Variants in GPC6 observed in about 807,000 individuals in gnomAD.
The protein encoded by GPC6 is glypican 6.
In GPC6, 14 loss-of-function variants were observed where a neutral mutation model predicts 55.2. The ratio of observed to expected loss-of-function variants is 0.25; its 90% confidence interval spans 0.17 to 0.40. The LOEUF (loss-of-function observed/expected upper bound fraction) is 0.40, where lower values mean the gene tolerates loss of function less well. Ranked by LOEUF, GPC6 falls within the 10% of genes least tolerant of loss-of-function variation. The pLI, the probability that GPC6 is intolerant of heterozygous loss-of-function variation, is 1.00. For missense variants in GPC6, 641 were observed against 708.5 expected (o/e 0.90, Z 1.08); for synonymous variants, 278 against 259.6 (o/e 1.07, Z -0.68).
intron 1 of GPC6, among the ~76,000 whole-genome samples, chr13:93,401,470 A>G (rs1280574650): frequency 6.6e-6 from 1 of 151,934 alleles, no homozygotes. Context: ...TTCTTTTTCT[A>G]AAAGAGAATT....
intron 3 of GPC6, among the ~76,000 whole-genome samples, chr13:94,015,796 A>T (rs1462070951): frequency 1.3e-5 from 2 of 152,102 alleles, no homozygotes; most frequent in African/African-American, 4.8e-5. Context: ...CTTGTTGAAA[A>T]TCAATTGGCC....
intron 1 of GPC6, among the ~76,000 whole-genome samples, chr13:93,367,366 G>C (rs1324866162): frequency 6.6e-6 from 1 of 151,964 alleles, no homozygotes; most frequent in Non-Finnish European, 1.5e-5. Context: ...TTTGCTAGAG[G>C]TTTGTCTGTT....
In GPC6 at chr13:94,203,883, T is replaced by C; in HGVS notation, c.878-82466T>C. Among the ~76,000 whole-genome samples, 2 of 152,166 alleles carry C rather than the reference T, an allele frequency of 1.3e-5. 1 individual carries two copies. Among genetic ancestry groups the C allele is most frequent in the Non-Finnish European group, 2.9e-5 (2 of 67,998 alleles). Reference sequence around the variant, plus strand: ...CATATTTTCTGTTGCTTCATCTCTATGGCTTTTTATTTTTCTTGTATTATA... The same window carrying C: ...CATATTTTCTGTTGCTTCATCTCTACGGCTTTTTATTTTTCTTGTATTATA... On this transcript the variant is annotated intron_variant, in intron 4 of 8. Transcript: ENST00000377047.
intron 6 of GPC6, among the ~76,000 whole-genome samples, chr13:94,333,715 TG>T (rs1877540288): frequency 6.6e-6 from 1 of 152,210 alleles, no homozygotes; most frequent in South Asian, 2.1e-4. Context: ...TATGTTTCCC[TG>T]GGATTGCACA....
chr13:93,538,100 G>T (rs961683551), intron 1 of GPC6, among the ~76,000 whole-genome samples: 4 of 152,070 alleles, frequency 2.6e-5, no homozygotes, highest in Non-Finnish European at 5.9e-5. Context: ...AGCCCATGTG[G>T]AAACATAAGC....
At chr13:94,179,570 A>G (rs751122110) in intron 4 of GPC6, among the ~76,000 whole-genome samples, 1 of 152,164 alleles carries the variant, frequency 6.6e-6, no homozygotes, top group South Asian at 2.1e-4. Flanking sequence ...ATAGATCTCC[A>G]AAAGTTAAAA....
intron 1 of GPC6, among the ~76,000 whole-genome samples, chr13:93,449,587 G>A (rs1002906323): frequency 1.3e-5 from 2 of 152,170 alleles, no homozygotes; most frequent in Non-Finnish European, 2.9e-5. Context: ...CAACACTTTG[G>A]GAGGCCGAGG....
At chr13:94,057,642 G>A (rs1037506013) in intron 4 of GPC6, among the ~76,000 whole-genome samples, 1 of 152,164 alleles carries the variant, frequency 6.6e-6, no homozygotes, top group Non-Finnish European at 1.5e-5. Flanking sequence ...GGAAACCACC[G>A]TTGTGAAATA....
rs188271767 is a variant in GPC6, at chr13:93,958,157, T to C, written c.712-69572T>C. Among the ~76,000 whole-genome samples, 419 of 152,362 alleles carry C rather than the reference T, an allele frequency of 2.8e-3. 3 individuals are homozygous for C. The highest frequency in any genetic ancestry group is 9.8e-3 in the African/African-American group (409 of 41,596). On this transcript the variant is annotated intron_variant, in intron 3 of 8. Coordinates refer to ENST00000377047, the MANE Select transcript of GPC6 (RefSeq NM_005708.5). ...GCTTTGCAAATATTTTCTCCCATTC[T>C]GTAGGGTGTCTGTTTACTCTATTGA...
At chr13:94,069,062 G>A (rs1348625559) in intron 4 of GPC6, among the ~76,000 whole-genome samples, 3 of 152,182 alleles carry the variant, frequency 2.0e-5, no homozygotes, top group Non-Finnish European at 2.9e-5. Context: ...CCTAGCAGAG[G>A]TTCTCCATGA....
At chr13:93,808,485 A>G (rs1354797260) in intron 2 of GPC6, among the ~76,000 whole-genome samples, 1 of 152,234 alleles carries the variant, frequency 6.6e-6, no homozygotes, top group East Asian at 1.9e-4. Flanking sequence ...TTCTATCCTC[A>G]ACATTTGTCT....
intron 4 of GPC6, among the ~76,000 whole-genome samples, chr13:94,091,992 GA>G (rs1885500763): frequency 6.6e-6 from 1 of 150,628 alleles, no homozygotes; most frequent in Non-Finnish European, 1.5e-5. Context: ...AGATATAATT[GA>G]AAAAAATTAT....
intron 4 of GPC6, among the ~76,000 whole-genome samples, chr13:94,276,853 G>T (rs1892228626): frequency 6.6e-6 from 1 of 152,092 alleles, no homozygotes; most frequent in South Asian, 2.1e-4. Context: ...TGGGCATTTG[G>T]GTTGGTTCCA....
chr13:94,247,176 A>G (rs1027512909), intron 4 of GPC6, among the ~76,000 whole-genome samples: 9 of 152,244 alleles, frequency 5.9e-5, no homozygotes, highest in South Asian at 2.1e-4. Flanking sequence ...TTAAAATGTC[A>G]TAGATTTTCA....
chr13:93,773,128 G>T (rs1270160629), intron 2 of GPC6, among the ~76,000 whole-genome samples: 2 of 152,132 alleles, frequency 1.3e-5, no homozygotes, highest in Non-Finnish European at 2.9e-5. Flanking sequence ...GAGAGAATAA[G>T]AAATGGAGAT....
rs796302748 is a variant in GPC6 at position 93,692,832 on chromosome 13, A to G, written c.320-137322A>G. 3.9e-5 allele frequency among the ~76,000 whole-genome samples: 6 copies of G among 152,174 alleles called. No homozygotes were observed. In the East Asian group the frequency reaches 1.2e-3, roughly 29 times the overall value. The stretch of plus-strand genomic sequence containing the variant: ...TAACACATAAAATTTCTCTTCTTAC[A>G]TCTCTCTTAATTTTAATTCTTTCAT... On this transcript the variant is annotated intron_variant, in intron 2 of 8. Coordinates refer to ENST00000377047, the MANE Select transcript of GPC6 (RefSeq NM_005708.5).
chr13:93,682,543 C>T (rs2138767698), intron 2 of GPC6, among the ~76,000 whole-genome samples: 1 of 152,226 alleles, frequency 6.6e-6, no homozygotes, highest in South Asian at 2.1e-4. Context: ...CCACAGCATC[C>T]TCTGCACTCG....
At chr13:93,832,012 C>T (rs143413886) in intron 3 of GPC6, among the ~76,000 whole-genome samples, 1 of 135,410 alleles carries the variant, frequency 7.4e-6, no homozygotes. Flanking sequence ...ATGGCATGAA[C>T]CTGGGAGGCG....
intron 5 of GPC6, among the ~76,000 whole-genome samples, chr13:94,300,808 T>G (rs553922828): frequency 2.6e-5 from 4 of 152,230 alleles, no homozygotes; most frequent in Non-Finnish European, 5.9e-5. Context: ...CCACAATAAG[T>G]TGGCTTATCC....
Sources: allele counts gnomAD v4.1 joint callset (sites outside exome capture counted in the v4.1 genomes callset), GRCh38; gene constraint gnomAD v4.1.1; transcripts MANE v1.5; gene names NCBI Gene and HGNC (gene_info 2026-07-23, HGNC 2026-07-21).